PDS5A: variants seen among roughly 807,000 people sequenced by gnomAD.
PDS5A encodes the protein PDS5 cohesin associated factor A.
Under a neutral mutation model 167.1 loss-of-function variants are expected in PDS5A, and 42 were observed. The observed-to-expected ratio is 0.25, with a 90% CI of 0.20 to 0.33. The LOEUF (loss-of-function observed/expected upper bound fraction) is 0.33. Among genes scored for constraint, PDS5A ranks in the 10% least tolerant of loss-of-function variants. The pLI, the probability that PDS5A is intolerant of heterozygous loss-of-function variation, is 1.00. For missense variants in PDS5A, 1,033 were observed against 1,605.9 expected, an observed-to-expected ratio of 0.64 and a Z score of 6.10; for synonymous variants, 553 against 554.6, an observed-to-expected ratio of 1.00 and a Z score of 0.04.
Position 39,928,121 on chromosome 4 carries a change from T to C in PDS5A, c.182A>G (p.Asp61Gly). Residue 61 changes from aspartate (D) to glycine (G), a missense_variant, in exon 3 of 33, where the codon GAT (aspartate) becomes GGT (glycine). This residue lies in a region of PDS5A where 388 missense variants were observed against 615.1 expected (regional missense o/e 0.63). Transcript: ENST00000303538. Reference protein sequence around the residue: ...TFMDMDQDSEDEKQQYLPLAL... With the variant: ...TFMDMDQDSEGEKQQYLPLAL... ...TAGTGGGAGATACTGCTGTTTTTCA[T>C]CTTCTGAGTCCTGATCCATATCCAT... 1 of 1,612,846 alleles carries C rather than the reference T, an allele frequency of 6.2e-7. No homozygotes were observed. The highest frequency in any genetic ancestry group is 8.5e-7 in the Non-Finnish European group (1 of 1,179,200).
intron 7 of PDS5A, 135 bp from the exon 8 acceptor site, chr4:39,917,323 G>T: frequency 1.9e-6 from 1 of 523,510 alleles, no homozygotes; most frequent in Non-Finnish European, 3.3e-6. Flanking sequence ...ACAAACAGGT[G>T]TGTGATTACT....
chr4:39,899,030 T>C lies in PDS5A; in HGVS notation c.1582-205A>G, dbSNP rs561626141. On this transcript the variant is annotated intron_variant, in intron 14 of 32. Coordinates refer to ENST00000303538, the MANE Select transcript of PDS5A (RefSeq NM_001100399.2). ...ACATAGTAGCAACTATTAAGACAAATAGAAGGAAAGGAGATGTTGGGAGGA... is the reference window on the plus strand; with the variant it reads ...ACATAGTAGCAACTATTAAGACAAACAGAAGGAAAGGAGATGTTGGGAGGA... Among the ~76,000 whole-genome samples the C allele has an allele frequency of 2.6e-5, 4 of 152,052 alleles. No homozygotes were observed. In the East Asian group the frequency reaches 5.8e-4, roughly 22 times the overall value.
intron 26 of PDS5A, 32 bp downstream of exon 26, chr4:39,862,187 T>A (rs983435869): frequency 1.6e-5 from 14 of 860,492 alleles, no homozygotes; most frequent in Non-Finnish European, 2.4e-5. Context: ...TAAACATAAT[T>A]TTTAGAGTTC....
intron 15 of PDS5A, 88 bp from the exon 16 acceptor site, chr4:39,898,616 C>A: frequency 3.1e-6 from 3 of 973,328 alleles, no homozygotes; most frequent in Admixed American, 3.2e-5. Context: ...CAAAATATTG[C>A]GGAGCCACTA....
chr4:39,964,866 T>C (rs889054909), intron 2 of PDS5A, among the ~76,000 whole-genome samples: 3 of 149,144 alleles, frequency 2.0e-5, no homozygotes, highest in Non-Finnish European at 3.0e-5. Context: ...TCGCTTGAAC[T>C]TGGGGGACAG....
intron 18 of PDS5A, among the ~76,000 whole-genome samples, chr4:39,878,407 A>G (rs186917062): frequency 7.3e-4 from 111 of 152,248 alleles, no homozygotes; most frequent in African/African-American, 2.6e-3. Context: ...CATCCTGGCT[A>G]ACATGGTGAA....
At chr4:39,938,508 C>T (rs1034538538) in intron 2 of PDS5A, among the ~76,000 whole-genome samples, 2 of 151,638 alleles carry the variant, frequency 1.3e-5, no homozygotes, top group East Asian at 1.9e-4. Flanking sequence ...GAGCCAAGAT[C>T]GTGCCACTGC....
chr4:39,840,217 G>T (rs1716862018), intron 31 of PDS5A, among the ~76,000 whole-genome samples: 2 of 152,292 alleles, frequency 1.3e-5, no homozygotes, highest in South Asian at 4.1e-4. Context: ...GCAAAAGTCA[G>T]ATATGTGTGA....
intron 16 of PDS5A, 178 bp downstream of exon 16, chr4:39,898,211 G>A: frequency 2.8e-5 from 35 of 1,270,050 alleles, no homozygotes; most frequent in Non-Finnish European, 3.5e-5. Flanking sequence ...TTCCTGGAAT[G>A]TGGCTGAGAG....
chr4:39,859,746 C>A (rs1300088639), intron 26 of PDS5A, among the ~76,000 whole-genome samples: 5 of 152,188 alleles, frequency 3.3e-5, no homozygotes, highest in Non-Finnish European at 7.3e-5. Context: ...ATGTGGAACT[C>A]CGAGCTCTCC....
At chr4:39,885,113 A>G (rs1168329130) in intron 17 of PDS5A, among the ~76,000 whole-genome samples, 2 of 151,412 alleles carry the variant, frequency 1.3e-5, no homozygotes, top group Admixed American at 1.3e-4. Flanking sequence ...AATACAAAAA[A>G]TTAACCTAGC....
intron 31 of PDS5A, among the ~76,000 whole-genome samples, chr4:39,840,084 C>T (rs1396832481): frequency 1.3e-5 from 2 of 151,444 alleles, no homozygotes; most frequent in East Asian, 1.9e-4. Context: ...ACAGAGACTC[C>T]GTCTCAAAAA....
chr4:39,900,626 T>C (rs531499018), intron 13 of PDS5A, 119 bp from the exon 14 acceptor site: 1 of 652,164 alleles, frequency 1.5e-6, no homozygotes, highest in South Asian at 1.8e-5. Context: ...ACCTAAAAGT[T>C]TAAATACCGG....
intron 2 of PDS5A, among the ~76,000 whole-genome samples, chr4:39,974,508 C>T (rs993639613): frequency 1.3e-5 from 2 of 152,142 alleles, no homozygotes; most frequent in Non-Finnish European, 2.9e-5. Flanking sequence ...CAGCTCAATT[C>T]ATGTATAATC....
Position 39,837,952 on chromosome 4 carries a change from C to A in PDS5A, c.3914G>T (p.Ser1305Ile), listed in dbSNP as rs778970158. 3.1e-5 allele frequency: 50 copies of A among 1,613,918 alleles called. No homozygotes were observed. The highest frequency in any genetic ancestry group is 4.0e-5 in the Non-Finnish European group (47 of 1,179,910). The change falls in exon 32 of 33, where the codon AGC becomes ATC. Residue 1305 changes from serine to isoleucine, a missense_variant. By Grantham distance (142) the Ser-to-Ile change is moderately radical (BLOSUM62 -2). Transcript: ENST00000303538. ...ATTACCTGCTTCCAAACCCCCAGGGCTCTCCTGACCCACTGCAGCTCTCTT... is the reference window on the plus strand; with the variant it reads ...ATTACCTGCTTCCAAACCCCCAGGGATCTCCTGACCCACTGCAGCTCTCTT... ...GRKRAAVGQESPGGLEAGNAK... is the reference protein window; with the variant it reads ...GRKRAAVGQEIPGGLEAGNAK...
In PDS5A at chr4:39,848,941, G is replaced by C. The variant is rs1191826228; in HGVS notation, c.3249C>G (p.Leu1083=). The change falls in exon 28 of 33, where the codon CTC becomes CTG. Residue 1083 remains leucine, a synonymous_variant. Coordinates refer to ENST00000303538, the MANE Select transcript of PDS5A (RefSeq NM_001100399.2). The part of the protein sequence containing the change: ...EKLYTVCDVA[L]CVINSKSALC... ...AAGCACTTTTACTATTTATAACACAGAGAGCCACATCACATACTGTATACA... is the reference window on the plus strand; with the variant it reads ...AAGCACTTTTACTATTTATAACACACAGAGCCACATCACATACTGTATACA... 2.5e-6 allele frequency: 4 copies of C among 1,602,670 alleles called. No homozygotes were observed. In the South Asian group the frequency reaches 4.5e-5, roughly 18 times the overall value.
chr4:39,973,689 C>A, intron 2 of PDS5A: 1 of 1,290,940 alleles, frequency 7.7e-7, no homozygotes, highest in Non-Finnish European at 1.1e-6. Context: ...TAGCTCAGCG[C>A]AAAGAAGAGT....
At chr4:39,930,684 C>T (rs1725979201) in intron 2 of PDS5A, among the ~76,000 whole-genome samples, 1 of 152,022 alleles carries the variant, frequency 6.6e-6, no homozygotes. Context: ...ATTATACTGG[C>T]TTGAAACAAA....
Position 39,824,733 on chromosome 4 carries a change from A to G in PDS5A, c.*752T>C, listed in dbSNP as rs1715128901. On this transcript the variant is annotated 3_prime_UTR_variant, in exon 33 of 33. Coordinates refer to ENST00000303538, the MANE Select transcript of PDS5A (RefSeq NM_001100399.2). Reference sequence around the variant, plus strand: ...AGTGATATGCTTTATGAAACAAACAACAATATGTACATTTATTGCAAATTA... The same window carrying G: ...AGTGATATGCTTTATGAAACAAACAGCAATATGTACATTTATTGCAAATTA... 1 of 152,648 alleles carries G rather than the reference A, an allele frequency of 6.6e-6. No homozygotes were observed. Among genetic ancestry groups the G allele is most frequent in the Admixed American group, 6.5e-5 (1 of 15,280 alleles). 9.5% of individuals were successfully genotyped at this position (152,648 alleles called of 1,614,324 possible).
Sources: allele counts gnomAD v4.1 joint callset (sites outside exome capture counted in the v4.1 genomes callset), GRCh38; gene constraint gnomAD v4.1.1; regional missense constraint gnomAD v4.1.1; transcripts MANE v1.5; gene names NCBI Gene and HGNC (gene_info 2026-07-23, HGNC 2026-07-21).